COX7B2: variants seen among roughly 807,000 people sequenced by gnomAD.
COX7B2 encodes the protein cytochrome c oxidase subunit 7B2.
For missense variants in COX7B2, 109 were observed against 95.9 expected, an observed-to-expected ratio of 1.14 and a Z score of -0.57; for synonymous variants, 37 against 32.1, an observed-to-expected ratio of 1.15 and a Z score of -0.51.
At chr4:46,853,128 G>A (rs1442390270) in intron 1 of COX7B2, among the ~76,000 whole-genome samples, 1 of 152,132 alleles carries the variant, frequency 6.6e-6, no homozygotes, top group African/African-American at 2.4e-5. Flanking sequence ...AACGTGACCA[G>A]AGGCTCATGG....
At chr4:46,784,868 C>T (rs1330565150) in intron 2 of COX7B2, among the ~76,000 whole-genome samples, 1 of 152,160 alleles carries the variant, frequency 6.6e-6, no homozygotes, top group African/African-American at 2.4e-5. Context: ...TAAATATCAT[C>T]ACATATTAGC....
chr4:46,893,509 TAA>T (rs748053740), intron 1 of COX7B2, among the ~76,000 whole-genome samples: 2 of 152,162 alleles, frequency 1.3e-5, no homozygotes, highest in Non-Finnish European at 2.9e-5. Flanking sequence ...AAACACTGAA[TAA>T]ATGTTTAAGA....
chr4:46,838,829 C>T (rs996917285), intron 2 of COX7B2, among the ~76,000 whole-genome samples: 1 of 151,872 alleles, frequency 6.6e-6, no homozygotes, highest in Admixed American at 6.6e-5. Flanking sequence ...TTCCGAATGG[C>T]ATTTGGCCCA....
chr4:46,761,721 G>A (rs1303611987), intron 2 of COX7B2, among the ~76,000 whole-genome samples: 1 of 152,042 alleles, frequency 6.6e-6, no homozygotes, highest in African/African-American at 2.4e-5. Flanking sequence ...CCCACATGAT[G>A]AATTGGTTTT....
In COX7B2 at chr4:46,895,406, C is replaced by T. The variant is rs531740733; in HGVS notation, c.-105+13754G>A. 2.4e-4 allele frequency among the ~76,000 whole-genome samples: 36 copies of T among 152,268 alleles called. 1 individual carries two copies. Among genetic ancestry groups the T allele is most frequent in the African/African-American group, 6.7e-4 (28 of 41,564 alleles). On this transcript the variant is annotated intron_variant, in intron 1 of 2. Coordinates refer to ENST00000355591, the MANE Select transcript of COX7B2 (RefSeq NM_130902.3). The stretch of plus-strand genomic sequence containing the variant: ...AGCAGGAACAGAAAACCAAATACCA[C>T]ATGTTCTCACTCATAAGTGGGAGCT...
At chr4:46,863,073 C>A (rs1717431537) in intron 1 of COX7B2, among the ~76,000 whole-genome samples, 1 of 151,872 alleles carries the variant, frequency 6.6e-6, no homozygotes, top group African/African-American at 2.4e-5. Flanking sequence ...ATAATATGTG[C>A]CAAAGAATAT....
chr4:46,840,532 C>T (rs1013201730), intron 2 of COX7B2, among the ~76,000 whole-genome samples: 1 of 151,974 alleles, frequency 6.6e-6, no homozygotes, highest in South Asian at 2.1e-4. Context: ...AGTCAACTAA[C>T]AGCTGCTTCC....
At chr4:46,749,881 G>T (rs1322403018) in intron 2 of COX7B2, among the ~76,000 whole-genome samples, 3 of 152,090 alleles carry the variant, frequency 2.0e-5, no homozygotes, top group Non-Finnish European at 4.4e-5. Flanking sequence ...TTGGTCACAA[G>T]TTTCTCCTCT....
chr4:46,776,543 C>T (rs567266805), intron 2 of COX7B2, among the ~76,000 whole-genome samples: 195 of 151,878 alleles, frequency 1.3e-3, no homozygotes, highest in African/African-American at 4.5e-3. Context: ...TATGATTAAG[C>T]GTGTAAAGTA....
chr4:46,831,475 C>T (rs997761155), intron 2 of COX7B2, among the ~76,000 whole-genome samples: 4 of 152,206 alleles, frequency 2.6e-5, no homozygotes, highest in Non-Finnish European at 5.9e-5. Context: ...CCTGTGGCCC[C>T]AGTGCGGGAT....
chr4:46,779,093 T>C (rs528043662), intron 2 of COX7B2, among the ~76,000 whole-genome samples: 91 of 152,208 alleles, frequency 6.0e-4, no homozygotes, highest in Admixed American at 1.2e-3. Context: ...CCAACAAGTG[T>C]TTAATGAATA....
chr4:46,847,520 C>CA (rs1716369295), intron 1 of COX7B2, among the ~76,000 whole-genome samples: 1 of 152,054 alleles, frequency 6.6e-6, no homozygotes, highest in South Asian at 2.1e-4. Context: ...TGCAGCCTTG[C>CA]AGAAGACCCA....
chr4:46,892,139 T>G (rs1719466026), intron 1 of COX7B2, among the ~76,000 whole-genome samples: 1 of 152,154 alleles, frequency 6.6e-6, no homozygotes, highest in Non-Finnish European at 1.5e-5. Context: ...GATTCCCTCT[T>G]GCTAGCTACA....
At chr4:46,880,003 T>A (rs1443246523) in intron 1 of COX7B2, among the ~76,000 whole-genome samples, 4 of 152,186 alleles carry the variant, frequency 2.6e-5, no homozygotes, top group Admixed American at 2.0e-4. Context: ...TGAATAGAAG[T>A]GGTGAGAGAG....
At chr4:46,805,792 G>C (rs1314376758) in intron 2 of COX7B2, among the ~76,000 whole-genome samples, 1 of 152,030 alleles carries the variant, frequency 6.6e-6, no homozygotes, top group East Asian at 1.9e-4. Context: ...TCTATTAGAT[G>C]TTGCTTTAAA....
intron 2 of COX7B2, among the ~76,000 whole-genome samples, chr4:46,832,296 CATCTGAACAT>C (rs1330970985): frequency 6.6e-6 from 1 of 152,180 alleles, no homozygotes; most frequent in Non-Finnish European, 1.5e-5. Flanking sequence ...ACTCCGAACA[CATCTGAACAT>C]CAGAAGGAAC....
At chr4:46,750,241 C>T (rs796152990) in intron 2 of COX7B2, among the ~76,000 whole-genome samples, 2 of 144,544 alleles carry the variant, frequency 1.4e-5, no homozygotes, top group South Asian at 4.7e-4. Flanking sequence ...CACACACACA[C>T]ACATTATCCA....
intron 2 of COX7B2, among the ~76,000 whole-genome samples, chr4:46,738,534 C>CTTATCT (rs1245123691): frequency 2.0e-5 from 3 of 152,100 alleles, no homozygotes; most frequent in African/African-American, 7.2e-5. Context: ...TCAGATCTAT[C>CTTATCT]TTATCTTTAT....
rs186982593 is a variant in COX7B2, at chr4:46,797,194, C to T, written c.-50+47766G>A. On this transcript the variant is annotated intron_variant, in intron 2 of 2. Coordinates refer to ENST00000355591, the MANE Select transcript of COX7B2 (RefSeq NM_130902.3). ...AAAACTTATTTTGTTCATCTTTCTC[C>T]CAGTCTTTCCCAAAGGGATCTATAG... is the stretch of plus-strand genomic sequence containing the variant. Among the ~76,000 whole-genome samples the T allele has an allele frequency of 4.1e-3, 619 of 150,956 alleles. 25 individuals carry two copies. The highest frequency in any genetic ancestry group is 0.038 in the Admixed American group (572 of 15,152).
Sources: gnomAD v4.1 joint callset for allele counts (sites outside exome capture counted in the v4.1 genomes callset) on GRCh38, gnomAD v4.1.1 for gene constraint, MANE v1.5 for transcripts, NCBI Gene and HGNC (gene_info 2026-07-23, HGNC 2026-07-21) for gene names.